Variants in GPC5 observed in about 807,000 individuals in gnomAD.
The protein encoded by GPC5 is glypican-5.
GPC5 carries 47 observed loss-of-function variants against 53.9 expected under a neutral mutation model. The observed-to-expected ratio is 0.87, with a 90% CI of 0.69 to 1.11. The LOEUF (loss-of-function observed/expected upper bound fraction) is 1.11, where lower values mean the gene tolerates loss of function less well. Ranked by LOEUF, GPC5 falls within the 50% of genes most tolerant of loss-of-function variation. GPC5 has a pLI of 0.00. For missense variants in GPC5, 748 were observed against 713.1 expected (o/e 1.05, Z -0.56); for synonymous variants, 286 against 263.3 (o/e 1.09, Z -0.84).
chr13:92,575,576 G>T (rs952483448), intron 7 of GPC5, among the ~76,000 whole-genome samples: 2 of 152,116 alleles, frequency 1.3e-5, no homozygotes, highest in African/African-American at 4.8e-5. Flanking sequence ...CAAGTGTGCA[G>T]TAATTTGTTA....
chr13:92,248,709 G>A (rs1333132945), intron 7 of GPC5, among the ~76,000 whole-genome samples: 1 of 152,012 alleles, frequency 6.6e-6, no homozygotes, highest in East Asian at 1.9e-4. Flanking sequence ...TCAGTTCTAG[G>A]ATTCTAACCT....
chr13:92,652,971 C>A (rs1886005252), intron 7 of GPC5, among the ~76,000 whole-genome samples: 1 of 152,014 alleles, frequency 6.6e-6, no homozygotes, highest in African/African-American at 2.4e-5. Context: ...CTTACTATTG[C>A]ACAAGAATGT....
At chr13:91,480,395 CAT>C (rs1488045468) in intron 2 of GPC5, among the ~76,000 whole-genome samples, 4 of 152,292 alleles carry the variant, frequency 2.6e-5, no homozygotes, top group Middle Eastern at 3.4e-3. Flanking sequence ...CACATGTACA[CAT>C]GTCTCTCTAT....
intron 7 of GPC5, among the ~76,000 whole-genome samples, chr13:92,784,127 A>G (rs976660176): frequency 3.9e-5 from 6 of 152,204 alleles, no homozygotes; most frequent in African/African-American, 1.4e-4. Flanking sequence ...ACAATTAAAG[A>G]ATTATTGACA....
At chr13:92,692,369 A>G (rs144703733) in intron 7 of GPC5, among the ~76,000 whole-genome samples, 287 of 151,972 alleles carry the variant, frequency 1.9e-3, no homozygotes, top group African/African-American at 6.7e-3. Context: ...AAAATGACTT[A>G]TTTTCTTTTA....
chr13:92,567,865 T>C (rs1395664326), intron 7 of GPC5, among the ~76,000 whole-genome samples: 1 of 152,182 alleles, frequency 6.6e-6, no homozygotes, highest in Non-Finnish European at 1.5e-5. Flanking sequence ...CGATGTGGTA[T>C]GGCAGCACTA....
At chr13:91,764,880 T>C (rs2037491559) in intron 5 of GPC5, among the ~76,000 whole-genome samples, 1 of 152,224 alleles carries the variant, frequency 6.6e-6, no homozygotes, top group Non-Finnish European at 1.5e-5. Flanking sequence ...CTCTCATTGA[T>C]GTTTTCTAGC....
chr13:92,763,998 A>G (rs568092284), intron 7 of GPC5, among the ~76,000 whole-genome samples: 3 of 152,192 alleles, frequency 2.0e-5, no homozygotes, highest in African/African-American at 7.2e-5. Flanking sequence ...AGCCCCCTAG[A>G]GTCTGTTGTT....
intron 2 of GPC5, among the ~76,000 whole-genome samples, chr13:91,475,566 C>T (rs1240487875): frequency 6.6e-6 from 1 of 152,134 alleles, no homozygotes. Flanking sequence ...TTTGGCTGAT[C>T]GAGGCTTGGT....
At chr13:91,707,628 A>T (rs1222220617) in intron 3 of GPC5, among the ~76,000 whole-genome samples, 5 of 152,194 alleles carry the variant, frequency 3.3e-5, no homozygotes, top group African/African-American at 1.2e-4. Context: ...CTCAAAAAAA[A>T]TAATAAAAAC....
chr13:92,258,135 A>G (rs1314540509), intron 7 of GPC5, among the ~76,000 whole-genome samples: 1 of 152,160 alleles, frequency 6.6e-6, no homozygotes, highest in Non-Finnish European at 1.5e-5. Flanking sequence ...ACTTTTTAAG[A>G]CCTAAATGCC....
intron 7 of GPC5, among the ~76,000 whole-genome samples, chr13:92,473,290 T>C (rs1266034662): frequency 6.6e-6 from 1 of 152,136 alleles, no homozygotes; most frequent in African/African-American, 2.4e-5. Flanking sequence ...TTGAGTTTTG[T>C]GTTTCAGGAG....
intron 7 of GPC5, among the ~76,000 whole-genome samples, chr13:92,159,563 C>A (rs1214080557): frequency 6.9e-6 from 1 of 144,348 alleles, no homozygotes; most frequent in Non-Finnish European, 1.5e-5. Context: ...ACTAGAATTG[C>A]TGCTCTATGT....
intron 1 of GPC5, among the ~76,000 whole-genome samples, chr13:91,416,773 A>G (rs561787162): frequency 2.0e-5 from 3 of 152,274 alleles, no homozygotes; most frequent in East Asian, 3.9e-4. Flanking sequence ...CCTGCAAAGG[A>G]CATGAATTCA....
At chr13:92,198,641 A>T (rs2042273530) in intron 7 of GPC5, among the ~76,000 whole-genome samples, 1 of 152,222 alleles carries the variant, frequency 6.6e-6, no homozygotes, top group East Asian at 1.9e-4. Flanking sequence ...TCAAGAGGAA[A>T]TCACCAGCTG....
At chr13:91,528,825 C>T (rs745869112) in intron 2 of GPC5, among the ~76,000 whole-genome samples, 11 of 152,292 alleles carry the variant, frequency 7.2e-5, no homozygotes, top group Admixed American at 1.3e-4. Context: ...GCACATCTTA[C>T]ATGGCAGCAG....
intron 7 of GPC5, among the ~76,000 whole-genome samples, chr13:92,411,052 T>G (rs2139349202): frequency 6.6e-6 from 1 of 152,200 alleles, no homozygotes; most frequent in East Asian, 1.9e-4. Context: ...GTGGCCATCC[T>G]ACGGTGAAAC....
intron 6 of GPC5, among the ~76,000 whole-genome samples, chr13:92,138,187 G>C (rs1444299245): frequency 6.6e-6 from 1 of 152,144 alleles, no homozygotes; most frequent in South Asian, 2.1e-4. Flanking sequence ...TGTGGCAGGA[G>C]TGTGTCTAAT....
chr13:92,524,155 G>A lies in GPC5; in HGVS notation c.1562-342127G>A, dbSNP rs572605669. On this transcript the variant is annotated intron_variant, in intron 7 of 7. Transcript: ENST00000377067. ...AGATTTCTCTGTAGCATGCGATGAT[G>A]TTTGCTAGTATTTTTCCCATAGCAG... Among the ~76,000 whole-genome samples the A allele has an allele frequency of 5.9e-5, 9 of 152,170 alleles. No individual in the cohort carries two copies. The East Asian group carries it at 1.5e-3, about 26-fold the overall frequency.
Sources: allele counts gnomAD v4.1 joint callset (sites outside exome capture counted in the v4.1 genomes callset), GRCh38; gene constraint gnomAD v4.1.1; transcripts MANE v1.5; gene names NCBI Gene and HGNC (gene_info 2026-07-23, HGNC 2026-07-21).